ZNF114: variants seen among roughly 807,000 people sequenced by gnomAD.
ZNF114 encodes zinc finger protein 114.
ZNF114 carries 8 observed loss-of-function variants against 6.8 expected under a neutral mutation model. The ratio of observed to expected loss-of-function variants is 1.18; its 90% CI spans 0.69 to 2.13. The LOEUF (loss-of-function observed/expected upper bound fraction) is 2.13, where lower values mean the gene tolerates loss of function less well. ZNF114 is among the 30% of genes most tolerant of loss of function. The pLI is 0.00. For synonymous variants in ZNF114, 169 were observed against 185.5 expected (o/e 0.91, Z 0.72); for missense variants, 472 against 519.5 (o/e 0.91, Z 0.89).
rs771648315 is a variant in ZNF114 at position 48,285,973 on chromosome 19, G to T, written c.349G>T (p.Glu117Ter). ...ACCTGCAGTTGCCCCTGAGAAAGAT[G>T]AATCTCCTGTTAGCATTTGTGAAGA... The part of the protein sequence containing the change: ...KPPAVAPEKD[E>*]SPVSICEDHE... The change falls in exon 6 of 6, where the codon GAA becomes TAA. Residue 117 changes from glutamate (E) to a stop codon, truncating the protein, a stop_gained. Transcript: ENST00000595607. LOFTEE classifies it low-confidence loss of function (END_TRUNC). 1.2e-6 allele frequency: 2 copies of T among 1,613,962 alleles called. No individual in the cohort carries two copies. The highest frequency in any genetic ancestry group is 1.7e-6 in the Non-Finnish European group (2 of 1,180,006).
At chr19:48,279,259 A>G (rs1164991245) in intron 3 of ZNF114, among the ~76,000 whole-genome samples, 1 of 149,772 alleles carries the variant, frequency 6.7e-6, no homozygotes, top group Non-Finnish European at 1.5e-5. Flanking sequence ...ATTAGGAGGC[A>G]TGGGGGCCCA....
chr19:48,270,626 G>T (rs1308170765), intron 1 of ZNF114, among the ~76,000 whole-genome samples: 1 of 142,944 alleles, frequency 7.0e-6, no homozygotes, highest in Non-Finnish European at 1.5e-5. Context: ...GGGAGGGAGG[G>T]AGAAAAGGAG....
chr19:48,272,700 T>TAAAAAAAAAAAAAAAAA (rs1555875993), intron 3 of ZNF114, among the ~76,000 whole-genome samples: 1 of 79,370 alleles, frequency 1.3e-5, no homozygotes, highest in African/African-American at 5.7e-5. Flanking sequence ...AAAAAAAAAG[T>TAAAAAAAAAAAAAAAAA]ATTGGATTGG....
chr19:48,284,711 G>A (rs914644241), intron 5 of ZNF114, among the ~76,000 whole-genome samples: 10 of 152,312 alleles, frequency 6.6e-5, no homozygotes, highest in East Asian at 1.9e-4. Context: ...GATTACAGGC[G>A]TGAGCCACTG....
intron 3 of ZNF114, among the ~76,000 whole-genome samples, chr19:48,278,203 TG>T (rs1400136837): frequency 2.6e-5 from 4 of 152,220 alleles, no homozygotes; most frequent in African/African-American, 9.6e-5. Flanking sequence ...CCCAGAGTCT[TG>T]GGATTACAGG....
Position 48,282,501 on chromosome 19 carries a change from A to G in ZNF114, c.136+4A>G. Reference sequence around the variant, plus strand: ...TCTAGGAACTTGGCATTCATAGGTAAGGAGGCCCCCTTCCTGCACTTAGTC... The same window carrying G: ...TCTAGGAACTTGGCATTCATAGGTAGGGAGGCCCCCTTCCTGCACTTAGTC... On this transcript the variant is annotated splice_donor_region_variant and intron_variant, in intron 5 of 5. Coordinates refer to ENST00000595607, the MANE Select transcript of ZNF114 (RefSeq NM_153608.4). The G allele has an allele frequency of 6.2e-7, 1 of 1,608,212 alleles. No individual in the cohort carries two copies. Among genetic ancestry groups the G allele is most frequent in the Non-Finnish European group, 8.5e-7 (1 of 1,175,698 alleles).
At chr19:48,285,543 A>AAAAG (rs1968092757) in intron 5 of ZNF114, among the ~76,000 whole-genome samples, 1 of 147,076 alleles carries the variant, frequency 6.8e-6, no homozygotes, top group African/African-American at 2.5e-5. Flanking sequence ...GAGAGAGGAA[A>AAAAG]GAAGGAAGGA....
At chr19:48,271,025 C>T (rs59575473) in intron 1 of ZNF114, 24,007 of 148,996 alleles carry the variant, frequency 0.16, 2,076 homozygotes, top group South Asian at 0.21. Flanking sequence ...CACTGCACTC[C>T]AGCCTGGGCG....
At chr19:48,283,463 G>C (rs1423246588) in intron 5 of ZNF114, among the ~76,000 whole-genome samples, 9 of 152,108 alleles carry the variant, frequency 5.9e-5, no homozygotes, top group Admixed American at 5.9e-4. Flanking sequence ...GGCAAACCCA[G>C]TCTGCCCTCT....
At position 48,279,729 on chromosome 19, in the gene ZNF114, A is replaced by C; in HGVS notation, c.-69-2A>C. The C allele has an allele frequency of 6.2e-7, 1 of 1,610,064 alleles. No homozygotes were observed. The highest frequency in any genetic ancestry group is 2.2e-5 in the East Asian group (1 of 44,844). On this transcript the variant is annotated splice_acceptor_variant, in intron 3 of 5. Transcript: ENST00000595607. LOFTEE classifies it low-confidence loss of function (5UTR_SPLICE). ...TTCTCATAGCTCCATTCTTCTCCCA[A>C]GCTCTGCCTCACCTGCCTCCTTGAA... is the stretch of plus-strand genomic sequence containing the variant.
intron 3 of ZNF114, among the ~76,000 whole-genome samples, chr19:48,274,768 A>G (rs1324004647): frequency 6.6e-6 from 1 of 151,288 alleles, no homozygotes; most frequent in African/African-American, 2.4e-5. Context: ...GGCCTCCCAA[A>G]GTGCTGGGAT....
At chr19:48,275,717 G>C (rs1270343115) in intron 3 of ZNF114, among the ~76,000 whole-genome samples, 1 of 152,004 alleles carries the variant, frequency 6.6e-6, no homozygotes, top group Admixed American at 6.6e-5. Flanking sequence ...GTTTGTTGCC[G>C]GGCGCGGTGG....
chr19:48,272,424 A>AT (rs1555875950), intron 3 of ZNF114, among the ~76,000 whole-genome samples: 59 of 126,670 alleles, frequency 4.7e-4, no homozygotes, highest in African/African-American at 1.6e-3. Flanking sequence ...AAAAAAAAAT[A>AT]AATAATAATA....
At position 48,287,070 on chromosome 19, in the gene ZNF114, G is replaced by A. The variant is rs1162088228; in HGVS notation, c.*192G>A. ...AGCCTTTCATCTTCATTCATCTTGA[G>A]TAGACATTTGTTCTCACCCTGGAGA... On this transcript the variant is annotated 3_prime_UTR_variant, in exon 6 of 6. Transcript: ENST00000595607. 4 of 511,656 alleles carry A rather than the reference G, an allele frequency of 7.8e-6. No homozygotes were observed. The highest frequency in any genetic ancestry group is 4.0e-5 in the South Asian group (1 of 24,812). 31.7% of individuals were successfully genotyped at this position (511,656 alleles called of 1,614,324 possible).
In ZNF114 at chr19:48,286,838, A is replaced by C; in HGVS notation, c.1214A>C (p.Lys405Thr). The C allele has an allele frequency of 1.3e-6, 2 of 1,584,318 alleles. No homozygotes were observed. Among genetic ancestry groups the C allele is most frequent in the Non-Finnish European group, 1.7e-6 (2 of 1,171,656 alleles). The change falls in exon 6 of 6, where the codon AAA becomes ACA. Residue 405 changes from lysine (K) to threonine (T), a missense_variant. Lys to Thr is a moderately conservative substitution (Grantham distance 78). Transcript: ENST00000595607. ...KDFAKSSGLKKHLKTHKDEKP... is the reference protein window; with the variant it reads ...KDFAKSSGLKTHLKTHKDEKP... ...TTTGCAAAGTCGTCAGGACTTAAAA[A>C]ACATCTTAAGACTCACAAAGATGAG...
rs1260668545 is a variant in ZNF114 at position 48,277,044 on chromosome 19, G to A, written c.-69-2687G>A. On this transcript the variant is annotated intron_variant, in intron 3 of 5. Coordinates refer to ENST00000595607, the MANE Select transcript of ZNF114 (RefSeq NM_153608.4). ...GTGGTGGCCCAAGCCTGTAATCTCA[G>A]CTACTCAGGAGGCTGCTGAGGCAGG... 2.0e-5 allele frequency among the ~76,000 whole-genome samples: 3 copies of A among 152,206 alleles called. No homozygotes were observed. The East Asian group carries it at 5.8e-4, about 29-fold the overall frequency.
intron 3 of ZNF114, among the ~76,000 whole-genome samples, chr19:48,278,341 T>A (rs1055189353): frequency 6.6e-6 from 1 of 152,210 alleles, no homozygotes; most frequent in Admixed American, 6.5e-5. Context: ...AGAAGCCCTG[T>A]ATCCTTCAGT....
At position 48,280,532 on chromosome 19, in the gene ZNF114, C is replaced by T. The variant is rs942408462; in HGVS notation, c.9+724C>T. Reference sequence around the variant, plus strand: ...GCAGATGACAAGCAGTGGACTGAGACGTGCCCCACTCCAAATTTTTTTTTT... The same window carrying T: ...GCAGATGACAAGCAGTGGACTGAGATGTGCCCCACTCCAAATTTTTTTTTT... On this transcript the variant is annotated intron_variant, in intron 4 of 5. Coordinates refer to ENST00000595607, the MANE Select transcript of ZNF114 (RefSeq NM_153608.4). 2.0e-5 allele frequency among the ~76,000 whole-genome samples: 3 copies of T among 150,506 alleles called. No individual in the cohort carries two copies. In the East Asian group the frequency reaches 5.8e-4, roughly 29 times the overall value.
chr19:48,272,473 G>A (rs1417040585), intron 3 of ZNF114, among the ~76,000 whole-genome samples: 1 of 145,452 alleles, frequency 6.9e-6, no homozygotes, highest in African/African-American at 2.5e-5. Context: ...GGGCGCCTGT[G>A]ATCCTAGCTA....
Sources: allele counts gnomAD v4.1 joint callset (sites outside exome capture counted in the v4.1 genomes callset), GRCh38; gene constraint gnomAD v4.1.1; transcripts MANE v1.5; gene names NCBI Gene and HGNC (gene_info 2026-07-23, HGNC 2026-07-21).